NXPE2: variants seen among roughly 807,000 people sequenced by gnomAD.
NXPE2 encodes the protein neurexophilin and PC-esterase domain family member 2.
Under a neutral mutation model 34.4 loss-of-function variants are expected in NXPE2, and 34 were observed. That is an observed-to-expected ratio of 0.99 (90% CI 0.75 to 1.31). The LOEUF is 1.31. NXPE2 is among the 40% of genes most tolerant of loss of function. The probability of loss-of-function intolerance (pLI) is 0.00; values close to 1 mark genes in which losing one functional copy is unlikely to be tolerated. For synonymous variants in NXPE2, 235 were observed against 231.3 expected (o/e 1.02, Z -0.15); for missense variants, 649 against 672.5 (o/e 0.97, Z 0.39).
chr11:114,473,086 T>A, the NXPE2 span, among the ~76,000 whole-genome samples: 1 of 152,192 alleles, frequency 6.6e-6, no homozygotes, highest in South Asian at 2.1e-4. Context: ...TCTCTTTCTC[T>A]GAGAAAAGAA....
the NXPE2 span, among the ~76,000 whole-genome samples, chr11:114,613,556 G>A: frequency 1.3e-5 from 2 of 151,858 alleles, no homozygotes; most frequent in African/African-American, 2.4e-5. Flanking sequence ...TGCACAATAA[G>A]TGTTGCCTAT....
At chr11:114,754,250 C>CTGGG in the NXPE2 span, among the ~76,000 whole-genome samples, 2 of 152,060 alleles carry the variant, frequency 1.3e-5, no homozygotes, top group African/African-American at 4.8e-5. Context: ...AACAGTGACC[C>CTGGG]ACACTCTGGG....
chr11:114,628,254 G>C, the NXPE2 span, among the ~76,000 whole-genome samples: 1 of 148,216 alleles, frequency 6.7e-6, no homozygotes, highest in Admixed American at 6.8e-5. Context: ...TTCCAAAATT[G>C]ACCATATACT....
At chr11:114,509,881 C>T in the NXPE2 span, among the ~76,000 whole-genome samples, 1 of 152,088 alleles carries the variant, frequency 6.6e-6, no homozygotes, top group Non-Finnish European at 1.5e-5. Context: ...ATGACACAAG[C>T]TTACCTATGT....
chr11:114,773,948 G>T, the NXPE2 span, among the ~76,000 whole-genome samples: 1 of 152,130 alleles, frequency 6.6e-6, no homozygotes, highest in South Asian at 2.1e-4. Flanking sequence ...ACGGCAGATC[G>T]CATGACTTCT....
At chr11:114,589,148 A>C in the NXPE2 span, among the ~76,000 whole-genome samples, 376 of 152,218 alleles carry the variant, frequency 2.5e-3, 2 homozygotes, top group African/African-American at 8.8e-3. Context: ...AGAAGAAGCC[A>C]CCTCGACCCT....
the NXPE2 span, among the ~76,000 whole-genome samples, chr11:114,481,120 C>G: frequency 2.0e-5 from 3 of 152,090 alleles, no homozygotes; most frequent in African/African-American, 2.4e-5. Flanking sequence ...ACCCTCAGGA[C>G]CAGGTCAGTT....
At chr11:114,692,182 C>T (rs564567636) in intron 2 of NXPE2, among the ~76,000 whole-genome samples, 2 of 152,336 alleles carry the variant, frequency 1.3e-5, no homozygotes, top group East Asian at 3.9e-4. Flanking sequence ...AGTGGCCAAA[C>T]AATGTCTTTA....
the NXPE2 span, among the ~76,000 whole-genome samples, chr11:114,558,424 G>A: frequency 6.6e-6 from 1 of 152,028 alleles, no homozygotes; most frequent in African/African-American, 2.4e-5. Flanking sequence ...ATTTTACTAT[G>A]TGTAATTAAA....
At chr11:114,610,946 T>G in the NXPE2 span, among the ~76,000 whole-genome samples, 1 of 151,854 alleles carries the variant, frequency 6.6e-6, no homozygotes, top group Non-Finnish European at 1.5e-5. Context: ...TAACCACTGT[T>G]GCCTGGTTTG....
chr11:114,481,889 A>G, the NXPE2 span, among the ~76,000 whole-genome samples: 1 of 152,136 alleles, frequency 6.6e-6, no homozygotes, highest in Non-Finnish European at 1.5e-5. Context: ...CACTATGTTT[A>G]TACACCACCC....
the NXPE2 span, among the ~76,000 whole-genome samples, chr11:114,640,001 TGTA>T: frequency 8.3e-6 from 1 of 120,014 alleles, no homozygotes; most frequent in African/African-American, 3.4e-5. Context: ...TGTTATATAA[TGTA>T]ATAATATATT....
chr11:114,759,654 A>C, the NXPE2 span, among the ~76,000 whole-genome samples: 22 of 152,332 alleles, frequency 1.4e-4, no homozygotes, highest in East Asian at 4.2e-3. Flanking sequence ...ATACCGAATA[A>C]GTTTTTCATA....
At chr11:114,662,381 T>C in the NXPE2 span, among the ~76,000 whole-genome samples, 2 of 152,078 alleles carry the variant, frequency 1.3e-5, no homozygotes, top group Admixed American at 6.6e-5. Context: ...CCCATCCGGG[T>C]TGTTGGAACT....
the NXPE2 span, among the ~76,000 whole-genome samples, chr11:114,619,802 C>A: frequency 6.6e-6 from 1 of 151,926 alleles, no homozygotes; most frequent in African/African-American, 2.4e-5. Flanking sequence ...TCGTGAGTAA[C>A]CACTGTTACC....
At chr11:114,710,619 G>A (rs900189643), downstream of NXPE2, among the ~76,000 whole-genome samples, 9 of 151,910 alleles carry the variant, frequency 5.9e-5, no homozygotes, top group African/African-American at 2.2e-4. Flanking sequence ...CAGTAATAAC[G>A]ACAACAATAA....
At chr11:114,651,969 G>T in the NXPE2 span, among the ~76,000 whole-genome samples, 1 of 152,194 alleles carries the variant, frequency 6.6e-6, no homozygotes, top group Non-Finnish European at 1.5e-5. Context: ...GTTCACAGTG[G>T]CACTCCAGCT....
the NXPE2 span, among the ~76,000 whole-genome samples, chr11:114,752,966 C>T: frequency 2.3e-3 from 353 of 152,182 alleles, 2 homozygotes; most frequent in African/African-American, 8.2e-3. Flanking sequence ...CTTGAACACA[C>T]TAAGATTTGG....
upstream of NXPE2, among the ~76,000 whole-genome samples, chr11:114,674,091 AAAC>A (rs1950830779): frequency 8.2e-5 from 1 of 12,240 alleles, no homozygotes; most frequent in African/African-American, 1.7e-4. Flanking sequence ...CATTGTTTAA[AAAC>A]AAACAAACAA....
Sources: allele counts gnomAD v4.1 joint callset (sites outside exome capture counted in the v4.1 genomes callset), GRCh38; gene constraint gnomAD v4.1.1; transcripts MANE v1.5; gene names NCBI Gene and HGNC (gene_info 2026-07-23, HGNC 2026-07-21).